Variants in FER observed in about 807,000 individuals in gnomAD.
The protein encoded by FER is tyrosine-protein kinase Fer.
In FER, 63 loss-of-function variants were observed where a neutral mutation model predicts 111.0. The ratio of observed to expected loss-of-function variants is 0.57; its 90% CI spans 0.46 to 0.70. The LOEUF (loss-of-function observed/expected upper bound fraction) is 0.70, where lower values mean the gene tolerates loss of function less well. Ranked by LOEUF, FER falls within the 30% of genes least tolerant of loss-of-function variation. The probability of loss-of-function intolerance (pLI) is 0.00; values close to 1 mark genes in which losing one functional copy is unlikely to be tolerated. For synonymous variants in FER, 327 were observed against 313.9 expected (o/e 1.04, Z -0.44); for missense variants, 914 against 954.0 (o/e 0.96, Z 0.55).
chr5:108,834,026 C>A (rs1760340541), intron 4 of FER, among the ~76,000 whole-genome samples: 1 of 152,002 alleles, frequency 6.6e-6, no homozygotes, highest in East Asian at 1.9e-4. Context: ...ACCATCTATA[C>A]CTTGCATTTG....
intron 17 of FER, 38 bp downstream of exon 17, chr5:109,100,557 T>A (rs769101711): frequency 5.1e-6 from 8 of 1,577,328 alleles, no homozygotes; most frequent in African/African-American, 1.4e-5. Context: ...TTGGTTTTAT[T>A]AATAGAATGC....
At position 109,184,024 on chromosome 5, in the gene FER, A is replaced by G. The variant is rs189458808; in HGVS notation, c.2204-2176A>G. The stretch of plus-strand genomic sequence containing the variant: ...AAAAAAAAATACAAAATGGTAGAAT[A>G]CTCAACACCTGTTTGGCATATATTG... On this transcript the variant is annotated intron_variant, in intron 18 of 19. Coordinates refer to ENST00000281092, the MANE Select transcript of FER (RefSeq NM_005246.4). Among the ~76,000 whole-genome samples the G allele has an allele frequency of 2.1e-3, 319 of 152,204 alleles. 1 individual carries two copies. Among genetic ancestry groups the G allele is most frequent in the African/African-American group, 7.3e-3 (304 of 41,530 alleles).
chr5:108,976,028 A>T (rs958384476), intron 13 of FER, among the ~76,000 whole-genome samples: 2 of 152,212 alleles, frequency 1.3e-5, no homozygotes, highest in Non-Finnish European at 2.9e-5. Flanking sequence ...AAGCAACCTC[A>T]GGGCCACAGA....
At chr5:108,787,062 C>A (rs994313613) in intron 2 of FER, among the ~76,000 whole-genome samples, 1 of 152,038 alleles carries the variant, frequency 6.6e-6, no homozygotes, top group Non-Finnish European at 1.5e-5. Flanking sequence ...GAGCTTTGTG[C>A]TCCTGGGTGC....
chr5:109,163,555 G>T (rs778417778), intron 17 of FER, among the ~76,000 whole-genome samples: 2 of 152,060 alleles, frequency 1.3e-5, no homozygotes, highest in Non-Finnish European at 2.9e-5. Context: ...ACTTGTTACC[G>T]TCAGTCTTGA....
chr5:109,136,575 A>G (rs905951235), intron 17 of FER, among the ~76,000 whole-genome samples: 6 of 152,166 alleles, frequency 3.9e-5, no homozygotes, highest in African/African-American at 1.2e-4. Context: ...TTAGCTAGTT[A>G]TAGCTTACAA....
chr5:109,072,369 A>G (rs1021835265), intron 16 of FER, among the ~76,000 whole-genome samples: 9 of 151,038 alleles, frequency 6.0e-5, no homozygotes, highest in African/African-American at 2.2e-4. Flanking sequence ...AAAAGTAATG[A>G]TAAAAACTTT....
At chr5:108,849,173 A>G (rs565688898) in intron 5 of FER, among the ~76,000 whole-genome samples, 36 of 152,036 alleles carry the variant, frequency 2.4e-4, no homozygotes, top group African/African-American at 8.7e-4. Context: ...AGCTTCTTGT[A>G]TTTGAGTTTT....
chr5:108,754,406 CAAAA>C lies in FER; in HGVS notation c.-206+6427_-206+6430del, dbSNP rs34475850. On this transcript the variant is annotated intron_variant, in intron 1 of 19. Coordinates refer to ENST00000281092, the MANE Select transcript of FER (RefSeq NM_005246.4). ...TGGGCAACAGAGTGAGTCCCTGTCT[CAAAA>C]AAAAAAAAAAAAAAAAAAAATAGTG... is the stretch of plus-strand genomic sequence containing the variant. Among the ~76,000 whole-genome samples the C allele has an allele frequency of 3.3e-3, 283 of 86,534 alleles. 2 individuals carry two copies. Among genetic ancestry groups the C allele is most frequent in the African/African-American group, 0.011 (245 of 23,194 alleles). The allele number at this position is 86,534 out of a possible 152,430, so 56.8% of individuals were successfully genotyped here. A position where few individuals can be genotyped will look rare whatever the true frequency, so the allele number is the denominator to read the frequency against.
chr5:108,933,255 T>G (rs1754959519), intron 10 of FER, among the ~76,000 whole-genome samples: 1 of 152,228 alleles, frequency 6.6e-6, no homozygotes, highest in South Asian at 2.1e-4. Context: ...TAATCTATCT[T>G]GAGTTAATTT....
intron 17 of FER, among the ~76,000 whole-genome samples, chr5:109,137,155 G>C (rs1752980908): frequency 6.6e-6 from 1 of 152,150 alleles, no homozygotes; most frequent in South Asian, 2.1e-4. Context: ...GTGAAGGAAA[G>C]GGGGAGATGA....
chr5:108,833,747 G>A (rs1001287581), intron 4 of FER, among the ~76,000 whole-genome samples: 21 of 151,946 alleles, frequency 1.4e-4, no homozygotes, highest in East Asian at 9.7e-4. Flanking sequence ...ACTGGCGGGC[G>A]CCTGTAGTCC....
intron 12 of FER, among the ~76,000 whole-genome samples, chr5:108,956,559 A>G (rs1408574960): frequency 6.6e-6 from 1 of 151,646 alleles, no homozygotes; most frequent in African/African-American, 2.4e-5. Flanking sequence ...GCAATATAAT[A>G]TATGCTAAAA....
intron 10 of FER, among the ~76,000 whole-genome samples, chr5:108,927,302 G>A (rs962117299): frequency 1.7e-5 from 2 of 119,366 alleles, no homozygotes; most frequent in Non-Finnish European, 3.2e-5. Flanking sequence ...CGCCCAGGCC[G>A]GACTGCGGAC....
intron 13 of FER, among the ~76,000 whole-genome samples, chr5:108,967,088 G>T (rs1416987556): frequency 6.6e-6 from 1 of 152,118 alleles, no homozygotes; most frequent in Non-Finnish European, 1.5e-5. Context: ...CACTTTACTT[G>T]CTGCAACAGG....
At chr5:108,820,864 G>A (rs556416094) in intron 3 of FER, among the ~76,000 whole-genome samples, 25 of 152,292 alleles carry the variant, frequency 1.6e-4, no homozygotes, top group African/African-American at 4.6e-4. Context: ...AGTGGCTCAC[G>A]CCTGTAATCC....
At chr5:109,007,373 A>G (rs1434169223) in intron 13 of FER, among the ~76,000 whole-genome samples, 1 of 152,186 alleles carries the variant, frequency 6.6e-6, no homozygotes, top group African/African-American at 2.4e-5. Context: ...TATAGTTCTG[A>G]TAAGTTTAGA....
chr5:109,155,932 A>G (rs1755329453), intron 17 of FER, among the ~76,000 whole-genome samples: 1 of 152,030 alleles, frequency 6.6e-6, no homozygotes, highest in Non-Finnish European at 1.5e-5. Flanking sequence ...CAGATGAGGA[A>G]AGGGGTTCTA....
At chr5:109,049,350 A>G (rs1295497081) in intron 16 of FER, among the ~76,000 whole-genome samples, 2 of 152,182 alleles carry the variant, frequency 1.3e-5, no homozygotes, top group Non-Finnish European at 2.9e-5. Flanking sequence ...AAGCTCATTC[A>G]GTTGCTGGCA....
Sources: gnomAD v4.1 joint callset for allele counts (sites outside exome capture counted in the v4.1 genomes callset) on GRCh38, gnomAD v4.1.1 for gene constraint, MANE v1.5 for transcripts, NCBI Gene and HGNC (gene_info 2026-07-23, HGNC 2026-07-21) for gene names.